The following RAD51B variants were observed in gnomAD, a reference collection of about 807,000 sequenced individuals.
The protein encoded by RAD51B is DNA repair protein RAD51 homolog 2.
Under a neutral mutation model 42.2 loss-of-function variants are expected in RAD51B, and 38 were observed. The observed-to-expected ratio is 0.90, with a 90% CI of 0.70 to 1.18. RAD51B has a LOEUF of 1.18. Among genes scored for constraint, RAD51B ranks in the 50% most tolerant of loss-of-function variants. The pLI is 0.00. For synonymous variants in RAD51B, 154 were observed against 145.2 expected (o/e 1.06, Z -0.43); for missense variants, 373 against 400.7 (o/e 0.93, Z 0.59).
intron 7 of RAD51B, among the ~76,000 whole-genome samples, chr14:68,191,959 T>C (rs988766274): frequency 2.0e-5 from 3 of 152,192 alleles, no homozygotes; most frequent in Non-Finnish European, 4.4e-5. Context: ...CTTTATGATA[T>C]ACTCAGATAC....
chr14:68,539,573 A>T (rs553627130), intron 10 of RAD51B, among the ~76,000 whole-genome samples: 3 of 152,206 alleles, frequency 2.0e-5, no homozygotes, highest in Non-Finnish European at 4.4e-5. Context: ...TTCGGTTGCA[A>T]CTGTCAAGCA....
intron 7 of RAD51B, among the ~76,000 whole-genome samples, chr14:68,213,122 G>A (rs1479598279): frequency 6.6e-6 from 1 of 152,180 alleles, no homozygotes; most frequent in Non-Finnish European, 1.5e-5. Flanking sequence ...CAAATAATGT[G>A]CTTTTGCAAC....
At chr14:68,417,475 C>T (rs548418254) in intron 9 of RAD51B, among the ~76,000 whole-genome samples, 5 of 152,322 alleles carry the variant, frequency 3.3e-5, no homozygotes, top group Admixed American at 3.3e-4. Flanking sequence ...CACACTCTTG[C>T]AACAGAAGTG....
intron 7 of RAD51B, among the ~76,000 whole-genome samples, chr14:68,198,012 G>T (rs2079407408): frequency 6.6e-6 from 1 of 152,052 alleles, no homozygotes; most frequent in Non-Finnish European, 1.5e-5. Flanking sequence ...GCCTTTTAAA[G>T]AAATCTTTGT....
intron 7 of RAD51B, among the ~76,000 whole-genome samples, chr14:68,053,097 G>C (rs2076420059): frequency 1.3e-5 from 2 of 152,270 alleles, no homozygotes; most frequent in East Asian, 1.9e-4. Flanking sequence ...TCATTGGAAA[G>C]AATATTTATT....
intron 8 of RAD51B, among the ~76,000 whole-genome samples, chr14:68,349,377 A>G (rs1302514394): frequency 6.6e-6 from 1 of 151,180 alleles, no homozygotes; most frequent in Admixed American, 6.6e-5. Flanking sequence ...TTATTTTTTC[A>G]TTTTTTTTGG....
intron 4 of RAD51B, among the ~76,000 whole-genome samples, chr14:67,837,305 C>T (rs1025713068): frequency 6.7e-6 from 1 of 150,358 alleles, no homozygotes; most frequent in African/African-American, 2.5e-5. Flanking sequence ...GATCCACAGT[C>T]ATAAACTTAC....
intron 7 of RAD51B, among the ~76,000 whole-genome samples, chr14:68,108,742 C>T (rs754299786): frequency 2.0e-5 from 3 of 151,806 alleles, no homozygotes; most frequent in Admixed American, 6.6e-5. Flanking sequence ...GAATTATATA[C>T]TTTAAAAGGG....
intron 7 of RAD51B, among the ~76,000 whole-genome samples, chr14:68,062,414 G>A (rs938802059): frequency 1.3e-5 from 2 of 152,178 alleles, no homozygotes; most frequent in African/African-American, 2.4e-5. Flanking sequence ...CTTATAGAAT[G>A]AGTTTTAAAG....
At chr14:67,991,961 A>T in intron 7 of RAD51B, among the ~76,000 whole-genome samples, 1 of 152,178 alleles carries the variant, frequency 6.6e-6, no homozygotes, top group East Asian at 1.9e-4. Flanking sequence ...TAGGGGTAGG[A>T]AAAAAGGCTT....
intron 7 of RAD51B, among the ~76,000 whole-genome samples, chr14:67,924,448 C>G (rs573528282): frequency 1.8e-4 from 27 of 152,236 alleles, no homozygotes; most frequent in African/African-American, 6.5e-4. Context: ...TAAAGAGATA[C>G]CCGAGACTGG....
At chr14:68,422,774 TG>T (rs2084741084) in intron 9 of RAD51B, among the ~76,000 whole-genome samples, 1 of 152,194 alleles carries the variant, frequency 6.6e-6, no homozygotes, top group African/African-American at 2.4e-5. Context: ...TGAGCTTTCC[TG>T]ATTTCTGCCG....
Position 68,002,450 on chromosome 14 carries a change from A to G in RAD51B, c.756+115246A>G, listed in dbSNP as rs546074755. ...GATGTTAGACCTTTGTCAGACAGAT[A>G]TATTGCAAAAATTTTCTGCCATTCT... On this transcript the variant is annotated intron_variant, in intron 7 of 10. Coordinates refer to ENST00000471583, the MANE Select transcript of RAD51B (RefSeq NM_133510.4). Among the ~76,000 whole-genome samples, 5 of 152,278 alleles carry G rather than the reference A, an allele frequency of 3.3e-5. No individual in the cohort carries two copies. In the South Asian group the frequency reaches 1.0e-3, roughly 32 times the overall value.
intron 7 of RAD51B, among the ~76,000 whole-genome samples, chr14:67,915,460 AT>A (rs2044119636): frequency 1.3e-5 from 2 of 152,098 alleles, no homozygotes; most frequent in Non-Finnish European, 1.5e-5. Context: ...ATAGCTTCCC[AT>A]TTTTTCAGAA....
chr14:68,182,895 A>C (rs903259725), intron 7 of RAD51B, among the ~76,000 whole-genome samples: 1 of 152,162 alleles, frequency 6.6e-6, no homozygotes, highest in African/African-American at 2.4e-5. Flanking sequence ...TGGCCACACC[A>C]CTTTTTAGAT....
chr14:68,506,610 G>A (rs1044116070), intron 10 of RAD51B, among the ~76,000 whole-genome samples: 8 of 152,220 alleles, frequency 5.3e-5, no homozygotes, highest in African/African-American at 9.6e-5. Flanking sequence ...GTGCTGGATC[G>A]TGCTGAGTGG....
chr14:68,613,515 ACG>A (rs1891754605), downstream of RAD51B, among the ~76,000 whole-genome samples: 2 of 148,478 alleles, frequency 1.3e-5, no homozygotes, highest in South Asian at 4.3e-4. Flanking sequence ...GTGCAGTGGC[ACG>A]ATCTCAGCTC....
intron 7 of RAD51B, among the ~76,000 whole-genome samples, chr14:68,167,605 C>T (rs1001784201): frequency 2.0e-5 from 3 of 152,062 alleles, no homozygotes; most frequent in African/African-American, 7.2e-5. Flanking sequence ...GTTCTACTCC[C>T]TTTTCAGTGT....
chr14:68,145,411 G>T (rs1289438834), intron 7 of RAD51B, among the ~76,000 whole-genome samples: 1 of 152,082 alleles, frequency 6.6e-6, no homozygotes, highest in African/African-American at 2.4e-5. Flanking sequence ...TTGGGGACTT[G>T]TTTTTTCCTC....
Sources: gnomAD v4.1 joint callset for allele counts (sites outside exome capture counted in the v4.1 genomes callset) on GRCh38, gnomAD v4.1.1 for gene constraint, MANE v1.5 for transcripts, NCBI Gene and HGNC (gene_info 2026-07-23, HGNC 2026-07-21) for gene names.